The following ETFDH variants were observed in gnomAD, a reference collection of about 807,000 sequenced individuals.
ETFDH encodes electron transfer flavoprotein-ubiquinone oxidoreductase, mitochondrial.
A neutral mutation model predicts 73.2 loss-of-function variants in ETFDH; 61 were observed. The observed-to-expected ratio is 0.83, with a 90% confidence interval of 0.68 to 1.03. The LOEUF is 1.03. Among genes scored for constraint, ETFDH ranks in the 50% least tolerant of loss-of-function variants. The probability of loss-of-function intolerance (pLI) is 0.00; values close to 1 mark genes in which losing one functional copy is unlikely to be tolerated. For synonymous variants in ETFDH, 243 were observed against 253.3 expected, an observed-to-expected ratio of 0.96 and a Z score of 0.39; for missense variants, 685 against 745.0, an observed-to-expected ratio of 0.92 and a Z score of 0.94.
chr4:158,688,489 T>TG (rs1186109434), intron 5 of ETFDH, among the ~76,000 whole-genome samples: 1 of 149,696 alleles, frequency 6.7e-6, no homozygotes, highest in Non-Finnish European at 1.5e-5. Flanking sequence ...ATCGAGACCA[T>TG]GGGGAAACCC....
chr4:158,708,283 A>T, intron 12 of ETFDH, 81 bp from the exon 13 acceptor site: 2 of 1,032,372 alleles, frequency 1.9e-6, no homozygotes, highest in South Asian at 1.4e-5. Flanking sequence ...TTCTGTGGCT[A>T]CTCTTTCCTT....
intron 1 of ETFDH, 108 bp from the exon 2 acceptor site, chr4:158,680,359 A>G: frequency 1.4e-6 from 1 of 715,666 alleles, no homozygotes; most frequent in Admixed American, 2.3e-5. Flanking sequence ...GAAAGATTAT[A>G]GTATATTTCA....
intron 3 of ETFDH, among the ~76,000 whole-genome samples, chr4:158,682,907 A>G (rs1773902059): frequency 6.6e-6 from 1 of 152,188 alleles, no homozygotes. Flanking sequence ...GTAATTTATG[A>G]TATTAACAAA....
Position 158,708,714 on chromosome 4 carries a change from C to T in ETFDH, c.*187C>T, listed in dbSNP as rs2126321926. The T allele has an allele frequency of 7.0e-6, 4 of 575,268 alleles. No homozygotes were observed. Among genetic ancestry groups the T allele is most frequent in the East Asian group, 6.1e-5 (2 of 32,952 alleles). The allele number at this position is 575,268 out of a possible 1,614,324, so 35.6% of individuals were successfully genotyped here. On this transcript the variant is annotated 3_prime_UTR_variant, in exon 13 of 13. Coordinates refer to ENST00000511912, the MANE Select transcript of ETFDH (RefSeq NM_004453.4). Reference sequence around the variant, plus strand: ...AATTACGGGTATTGCTTTTAAATAACCTTTATAAGAATGCAGCATCTTCCT... The same window carrying T: ...AATTACGGGTATTGCTTTTAAATAATCTTTATAAGAATGCAGCATCTTCCT...
chr4:158,678,172 CA>C (rs1159611306), intron 1 of ETFDH, among the ~76,000 whole-genome samples: 2 of 152,168 alleles, frequency 1.3e-5, no homozygotes, highest in Non-Finnish European at 2.9e-5. Flanking sequence ...AATTAAACTA[CA>C]GATTTTATTC....
rs755108220 is a variant in ETFDH, at chr4:158,706,156, T to G, written c.1286-33T>G. 1.3e-5 allele frequency: 19 copies of G among 1,461,694 alleles called. No individual in the cohort carries two copies. The East Asian group carries it at 2.7e-4, about 21-fold the overall frequency. 90.5% of individuals were successfully genotyped at this position (1,461,694 alleles called of 1,614,324 possible). A position where few individuals can be genotyped will look rare whatever the true frequency, so the allele number is the denominator to read the frequency against. On this transcript the variant is annotated intron_variant, in intron 10 of 12. Transcript: ENST00000511912. ...CGTATTTTACACACATTTGGGCAGT[T>G]TCGCACTTAACATTTCATGTTTTTA...
At chr4:158,688,904 G>A (rs1405538814) in intron 5 of ETFDH, among the ~76,000 whole-genome samples, 1 of 151,886 alleles carries the variant, frequency 6.6e-6, no homozygotes, top group African/African-American at 2.4e-5. Context: ...TTTGTTGTTG[G>A]TTTTTTTGTT....
At chr4:158,687,817 G>A (rs772080911) in intron 5 of ETFDH, among the ~76,000 whole-genome samples, 2 of 152,120 alleles carry the variant, frequency 1.3e-5, no homozygotes, top group Non-Finnish European at 2.9e-5. Context: ...AAGGCAGGCA[G>A]GTCACGAGGT....
At chr4:158,688,691 A>G (rs1482050562) in intron 5 of ETFDH, among the ~76,000 whole-genome samples, 2 of 152,110 alleles carry the variant, frequency 1.3e-5, no homozygotes, top group African/African-American at 4.8e-5. Flanking sequence ...AAAAAAAAAG[A>G]ACGAAACAGT....
intron 5 of ETFDH, among the ~76,000 whole-genome samples, chr4:158,685,788 CT>C (rs1773988837): frequency 6.6e-6 from 1 of 152,132 alleles, no homozygotes; most frequent in South Asian, 2.1e-4. Context: ...GGTCCAAATG[CT>C]TATCTACCTT....
chr4:158,708,089 G>A lies in ETFDH; in HGVS notation c.1691-275G>A, dbSNP rs577562342. Among the ~76,000 whole-genome samples the A allele has an allele frequency of 1.5e-4, 23 of 152,304 alleles. 2 individuals are homozygous for A. The South Asian group carries it at 4.1e-3, about 27-fold the overall frequency. On this transcript the variant is annotated intron_variant, in intron 12 of 12. Transcript: ENST00000511912. Reference sequence around the variant, plus strand: ...TGAGAGGATGACTGTGAATAAGGGAGGACTTCGAGGTTGTGTGGAACTCAA... The same window carrying A: ...TGAGAGGATGACTGTGAATAAGGGAAGACTTCGAGGTTGTGTGGAACTCAA...
At chr4:158,702,046 G>T (rs1193628006) in intron 9 of ETFDH, among the ~76,000 whole-genome samples, 2 of 152,098 alleles carry the variant, frequency 1.3e-5, no homozygotes, top group African/African-American at 4.8e-5. Context: ...GTGGTGCCAT[G>T]ATTAGAGCAT....
chr4:158,703,601 T>G lies in ETFDH; in HGVS notation c.1285+10T>G. On this transcript the variant is annotated intron_variant, in intron 10 of 12. Coordinates refer to ENST00000511912, the MANE Select transcript of ETFDH (RefSeq NM_004453.4). ...CAATCAAAGACAATAGGTAAGAAAT[T>G]CCTGTGTAAAGTATACAAAAGAAAA... 6 of 1,550,784 alleles carry G rather than the reference T, an allele frequency of 3.9e-6. No individual in the cohort carries two copies. Among genetic ancestry groups the G allele is most frequent in the Non-Finnish European group, 4.5e-6 (5 of 1,123,296 alleles).
chr4:158,690,635 C>T (rs1275131716), intron 6 of ETFDH, among the ~76,000 whole-genome samples: 1 of 151,950 alleles, frequency 6.6e-6, no homozygotes, highest in African/African-American at 2.4e-5. Flanking sequence ...GTCATAATCA[C>T]GCCACTTCAT....
chr4:158,682,073 C>A, intron 2 of ETFDH, 122 bp from the exon 3 acceptor site: 1 of 1,357,124 alleles, frequency 7.4e-7, no homozygotes, highest in Non-Finnish European at 1.0e-6. Context: ...AATTATTGTG[C>A]AAAACACAGG....
chr4:158,695,627 G>A lies in ETFDH; in HGVS notation c.815G>A (p.Gly272Glu). The A allele has an allele frequency of 6.2e-7, 1 of 1,610,534 alleles. No homozygotes were observed. The highest frequency in any genetic ancestry group is 1.1e-5 in the South Asian group (1 of 91,006). Reference sequence around the variant, plus strand: ...GCAAATTGTGAACCTCAAACCTACGGGATTGGACTGAAGGAGGTATCCTGG... The same window carrying A: ...GCAAATTGTGAACCTCAAACCTACGAGATTGGACTGAAGGAGGTATCCTGG... ...LRANCEPQTY[G>E]IGLKELWVID... The change falls in exon 7 of 13, where the codon GGG becomes GAG. Residue 272 changes from glycine to glutamate, a missense_variant. Physicochemically the swap from Gly to Glu is moderately conservative, Grantham distance 98. Around this residue, in one of 3 missense-constraint regions of ETFDH, gnomAD observed 405 missense variants for 399.3 expected, o/e 1.01. Transcript: ENST00000511912.
chr4:158,689,326 C>T (rs532612576), intron 5 of ETFDH, among the ~76,000 whole-genome samples: 1 of 152,056 alleles, frequency 6.6e-6, no homozygotes, highest in Admixed American at 6.5e-5. Flanking sequence ...TGCATTTCTC[C>T]TTGTTAAACA....
rs773481573 is a variant in ETFDH, at chr4:158,699,023, T to C, written c.1009T>C (p.Phe337Leu). ...LDYQNPYLSPFREFQRWKHHP... is the reference protein window; with the variant it reads ...LDYQNPYLSPLREFQRWKHHP... ...CTATCAGAATCCATACCTGAGTCCA[T>C]TTAGAGAGTTCCAAAGGTGGAAACA... Residue 337 changes from phenylalanine to leucine, a missense_variant, in exon 9 of 13, where the codon TTT (phenylalanine) becomes CTT (leucine). This residue lies in a region of ETFDH where 79 missense variants were observed against 120.5 expected (regional missense o/e 0.66). Coordinates refer to ENST00000511912, the MANE Select transcript of ETFDH (RefSeq NM_004453.4). 1 of 1,611,602 alleles carries C rather than the reference T, an allele frequency of 6.2e-7. No homozygotes were observed. Among genetic ancestry groups the C allele is most frequent in the Non-Finnish European group, 8.5e-7 (1 of 1,177,714 alleles).
intron 10 of ETFDH, among the ~76,000 whole-genome samples, chr4:158,705,382 A>C (rs550246159): frequency 2.0e-4 from 31 of 152,306 alleles, no homozygotes; most frequent in African/African-American, 7.0e-4. Context: ...TCTTCTAAGG[A>C]TACCAGCCAT....
Sources: allele counts gnomAD v4.1 joint callset (sites outside exome capture counted in the v4.1 genomes callset), GRCh38; gene constraint gnomAD v4.1.1; regional missense constraint gnomAD v4.1.1; transcripts MANE v1.5; gene names NCBI Gene and HGNC (gene_info 2026-07-23, HGNC 2026-07-21).